SLC6A15: variants seen among roughly 807,000 people sequenced by gnomAD.
SLC6A15 encodes the protein sodium-dependent neutral amino acid transporter B(0)AT2.
Under a neutral mutation model 68.5 loss-of-function variants are expected in SLC6A15, and 33 were observed. The ratio of observed to expected loss-of-function variants is 0.48; its 90% CI spans 0.37 to 0.64. The LOEUF is 0.64. SLC6A15 is among the 30% of genes least tolerant of loss of function. The pLI, the probability that SLC6A15 is intolerant of heterozygous loss-of-function variation, is 0.00. For missense variants in SLC6A15, 747 were observed against 874.3 expected (o/e 0.85, Z 1.84); for synonymous variants, 347 against 301.0 (o/e 1.15, Z -1.58).
chr12:84,873,430 G>A, intron 6 of SLC6A15, 102 bp from the exon 7 acceptor site: 4 of 1,295,562 alleles, frequency 3.1e-6, no homozygotes, highest in Non-Finnish European at 4.3e-6. Flanking sequence ...TGATATTTAT[G>A]CATCCAAAGT....
intron 9 of SLC6A15, chr12:84,867,427 C>T (rs1263724625): frequency 1.9e-5 from 5 of 268,104 alleles, no homozygotes; most frequent in East Asian, 6.1e-5. Context: ...TCCCTGAGCC[C>T]GTGGAAACTC....
intron 5 of SLC6A15, chr12:84,883,510 C>T (rs1452534881): frequency 3.1e-6 from 4 of 1,270,200 alleles, no homozygotes; most frequent in East Asian, 3.4e-5. Flanking sequence ...TTACCACTTT[C>T]CCCAATTTCC....
intron 1 of SLC6A15, among the ~76,000 whole-genome samples, chr12:84,899,310 A>G (rs1321058195): frequency 1.3e-5 from 2 of 152,172 alleles, no homozygotes; most frequent in African/African-American, 2.4e-5. Flanking sequence ...TGCAAAAGGC[A>G]TGCGTAGAAA....
chr12:84,868,855 G>A (rs1871169702), intron 9 of SLC6A15, among the ~76,000 whole-genome samples: 1 of 152,122 alleles, frequency 6.6e-6, no homozygotes, highest in South Asian at 2.1e-4. Context: ...ACTACAGGAG[G>A]GGACGGTTTG....
At chr12:84,906,621 A>G (rs899597942) in intron 1 of SLC6A15, among the ~76,000 whole-genome samples, 2 of 152,232 alleles carry the variant, frequency 1.3e-5, no homozygotes, top group Non-Finnish European at 2.9e-5. Flanking sequence ...CCCAGAAAGA[A>G]GTGCACACAA....
In SLC6A15 at chr12:84,861,570, T is replaced by C. The variant is rs1273318505; in HGVS notation, c.*62A>G. ...GATAAGTGAAGCCTAATGCTTCTCC[T>C]ACTAGGGCCAATGTTCATTGGTAAA... is the stretch of plus-strand genomic sequence containing the variant. On this transcript the variant is annotated 3_prime_UTR_variant, in exon 12 of 12. Transcript: ENST00000266682. 2 of 1,527,374 alleles carry C rather than the reference T, an allele frequency of 1.3e-6. No homozygotes were observed. Among genetic ancestry groups the C allele is most frequent in the African/African-American group, 2.8e-5 (2 of 72,218 alleles). 94.6% of individuals were successfully genotyped at this position (1,527,374 alleles called of 1,614,324 possible).
intron 2 of SLC6A15, among the ~76,000 whole-genome samples, chr12:84,891,126 A>G (rs527724169): frequency 6.6e-6 from 1 of 152,304 alleles, no homozygotes; most frequent in African/African-American, 2.4e-5. Context: ...AAGCCTTTAT[A>G]AGTACAAATG....
intron 10 of SLC6A15, among the ~76,000 whole-genome samples, chr12:84,864,063 CTTA>C (rs1870965312): frequency 1.3e-5 from 2 of 150,280 alleles, no homozygotes; most frequent in African/African-American, 2.4e-5. Flanking sequence ...GTAATAATTA[CTTA>C]TTAGTAAATA....
At chr12:84,864,473 T>C (rs1316426684) in intron 10 of SLC6A15, among the ~76,000 whole-genome samples, 2 of 151,600 alleles carry the variant, frequency 1.3e-5, no homozygotes, top group African/African-American at 4.8e-5. Context: ...GCGACCACCA[T>C]CACGCCCGGC....
rs1428870562 is a variant in SLC6A15, at chr12:84,886,127, T to C, written c.290-59A>G. On this transcript the variant is annotated intron_variant, in intron 2 of 11. Transcript: ENST00000266682. ...TTCAATACAGTAGAAAATACACTAG[T>C]TCAGTTTATCCCATTAAAGATAATA... 7 of 1,182,542 alleles carry C rather than the reference T, an allele frequency of 5.9e-6. No individual in the cohort carries two copies. In the South Asian group the frequency reaches 7.2e-5, roughly 12 times the overall value. The allele number at this position is 1,182,542 out of a possible 1,614,324, so 73.3% of individuals were successfully genotyped here. A position where few individuals can be genotyped will look rare whatever the true frequency, so the allele number is the denominator to read the frequency against.
chr12:84,901,643 T>A (rs868529762), intron 1 of SLC6A15, among the ~76,000 whole-genome samples: 2 of 151,800 alleles, frequency 1.3e-5, no homozygotes, highest in African/African-American at 4.8e-5. Flanking sequence ...ACATTTCCAG[T>A]GAAAATATGC....
At chr12:84,862,066 T>C in intron 11 of SLC6A15, 60 bp from the exon 12 acceptor site, 14 of 1,466,912 alleles carry the variant, frequency 9.5e-6, no homozygotes, top group Non-Finnish European at 1.3e-5. Context: ...ATACATAAAA[T>C]ATTGTACTTG....
chr12:84,909,878 T>C (rs1382690439), intron 1 of SLC6A15, among the ~76,000 whole-genome samples: 4 of 152,200 alleles, frequency 2.6e-5, no homozygotes, highest in African/African-American at 9.6e-5. Flanking sequence ...TACCTATTCA[T>C]ATACAAATTA....
intron 5 of SLC6A15, among the ~76,000 whole-genome samples, chr12:84,877,634 T>C (rs940823448): frequency 2.0e-5 from 3 of 152,160 alleles, no homozygotes; most frequent in African/African-American, 7.2e-5. Flanking sequence ...TATTTGCAGA[T>C]GACTTGCTCC....
At chr12:84,869,158 AT>A (rs147787192) in intron 9 of SLC6A15, among the ~76,000 whole-genome samples, 1 of 152,136 alleles carries the variant, frequency 6.6e-6, no homozygotes, top group African/African-American at 2.4e-5. Context: ...TTATTAGTAA[AT>A]TTTTTATGGC....
rs1265950644 is a variant in SLC6A15, at chr12:84,861,335, C to A, written c.*297G>T. 8.2e-6 allele frequency: 2 copies of A among 242,458 alleles called. No individual in the cohort carries two copies. Among genetic ancestry groups the A allele is most frequent in the Non-Finnish European group, 1.6e-5 (2 of 126,174 alleles). The allele number at this position is 242,458 out of a possible 1,614,324, so 15.0% of individuals were successfully genotyped here. ...AAATTATTAGAAACTGAGGTAATAC[C>A]ATTTTTTTAAGAGATAGAAATATTT... On this transcript the variant is annotated 3_prime_UTR_variant, in exon 12 of 12. Coordinates refer to ENST00000266682, the MANE Select transcript of SLC6A15 (RefSeq NM_182767.6).
In SLC6A15 at chr12:84,870,651, A is replaced by G. The variant is rs771670318; in HGVS notation, c.1322T>C (p.Leu441Ser). 6.2e-7 allele frequency: 1 copy of G among 1,611,030 alleles called. No individual in the cohort carries two copies. The highest frequency in any genetic ancestry group is 1.7e-5 in the Admixed American group (1 of 59,630). Reference sequence around the variant, plus strand: ...CGCTTCTGTAAAGGCAATAAAAGCTAAGCCGGTCCCCTGAACAGCCTGCAA... The same window carrying G: ...CGCTTCTGTAAAGGCAATAAAAGCTGAGCCGGTCCCCTGAACAGCCTGCAA... Reference protein sequence around the residue: ...ELNKAVQGTGLAFIAFTEAMT... With the variant: ...ELNKAVQGTGSAFIAFTEAMT... Residue 441 changes from leucine to serine, a missense_variant, in exon 9 of 12, where the codon TTA (leucine) becomes TCA (serine). Physicochemically the swap from Leu to Ser is moderately radical, Grantham distance 145. Transcript: ENST00000266682.
intron 11 of SLC6A15, among the ~76,000 whole-genome samples, chr12:84,862,421 T>TAAC (rs1870893296): frequency 6.6e-6 from 1 of 152,184 alleles, no homozygotes; most frequent in Non-Finnish European, 1.5e-5. Flanking sequence ...TACTAAGCAA[T>TAAC]AGATACCTCT....
In SLC6A15 at chr12:84,867,073, A is replaced by G. The variant is rs1376236592; in HGVS notation, c.1616T>C (p.Leu539Ser). ...AACAAAGCATACAGCAATATTCTCCAAAATGACTACAATTAGCAGAGGCAG... is the reference window on the plus strand; with the variant it reads ...AACAAAGCATACAGCAATATTCTCCGAAATGACTACAATTAGCAGAGGCAG... ...ATLPLLIVVI[L>S]ENIAVCFVYG... The change falls in exon 10 of 12, where the codon TTG (leucine) becomes TCG (serine). Residue 539 changes from leucine (L) to serine (S), a missense_variant. Coordinates refer to ENST00000266682, the MANE Select transcript of SLC6A15 (RefSeq NM_182767.6). 3 of 1,610,712 alleles carry G rather than the reference A, an allele frequency of 1.9e-6. No homozygotes were observed. Among genetic ancestry groups the G allele is most frequent in the Non-Finnish European group, 2.5e-6 (3 of 1,178,502 alleles).
Sources: gnomAD v4.1 joint callset for allele counts (sites outside exome capture counted in the v4.1 genomes callset) on GRCh38, gnomAD v4.1.1 for gene constraint, MANE v1.5 for transcripts, NCBI Gene and HGNC (gene_info 2026-07-23, HGNC 2026-07-21) for gene names.